The following BCKDHB variants were observed in gnomAD, a reference collection of about 807,000 sequenced individuals.
BCKDHB encodes the protein branched chain keto acid dehydrogenase E1 subunit beta.
BCKDHB carries 41 observed loss-of-function variants against 48.5 expected under a neutral mutation model. That is an observed-to-expected ratio of 0.85 (90% CI 0.66 to 1.10). The LOEUF (loss-of-function observed/expected upper bound fraction) is 1.10, where lower values mean the gene tolerates loss of function less well. Among genes scored for constraint, BCKDHB ranks in the 50% least tolerant of loss-of-function variants. The pLI, the probability that BCKDHB is intolerant of heterozygous loss-of-function variation, is 0.00. For missense variants in BCKDHB, 496 were observed against 494.2 expected, an observed-to-expected ratio of 1.00 and a Z score of -0.03; for synonymous variants, 201 against 174.8, an observed-to-expected ratio of 1.15 and a Z score of -1.18.
intron 9 of BCKDHB, chr6:80,307,825 A>T (rs1028978050): frequency 2.4e-5 from 24 of 984,940 alleles, no homozygotes; most frequent in Non-Finnish European, 2.9e-5. Context: ...ATTCAAATGG[A>T]ATGTGTCTAT....
chr6:80,254,827 A>G (rs1452424002), intron 8 of BCKDHB, among the ~76,000 whole-genome samples: 3 of 152,230 alleles, frequency 2.0e-5, no homozygotes, highest in Admixed American at 1.3e-4. Flanking sequence ...TGATAAGGAA[A>G]CAACTCTGTT....
the BCKDHB span, among the ~76,000 whole-genome samples, chr6:80,423,642 A>G: frequency 1.3e-5 from 2 of 152,310 alleles, no homozygotes; most frequent in Admixed American, 1.3e-4. Context: ...CAATTACTAT[A>G]TAGGTTGATT....
At chr6:80,146,461 A>G (rs1771492947) in intron 3 of BCKDHB, among the ~76,000 whole-genome samples, 1 of 152,324 alleles carries the variant, frequency 6.6e-6, no homozygotes, top group African/African-American at 2.4e-5. Context: ...GAACATAGGC[A>G]TCTACTTTTG....
chr6:80,215,444 C>CT (rs1280920455), intron 8 of BCKDHB, among the ~76,000 whole-genome samples: 5 of 152,206 alleles, frequency 3.3e-5, no homozygotes, highest in African/African-American at 9.6e-5. Context: ...TGGCCACTTC[C>CT]TTTAAGTCCC....
At chr6:80,343,359 T>G (rs1352156439) in intron 9 of BCKDHB, among the ~76,000 whole-genome samples, 1 of 152,248 alleles carries the variant, frequency 6.6e-6, no homozygotes. Flanking sequence ...GAACATTTGT[T>G]GCATTTTTAT....
At chr6:80,429,353 G>A in the BCKDHB span, among the ~76,000 whole-genome samples, 1 of 152,086 alleles carries the variant, frequency 6.6e-6, no homozygotes, top group African/African-American at 2.4e-5. Flanking sequence ...TTGGCTATGC[G>A]AGCTGTTTTT....
At chr6:80,204,325 G>A (rs552164653) in intron 8 of BCKDHB, among the ~76,000 whole-genome samples, 41 of 152,230 alleles carry the variant, frequency 2.7e-4, no homozygotes, top group Middle Eastern at 3.4e-3. Flanking sequence ...CACTTGACAT[G>A]CTTACAAATG....
At chr6:80,317,609 C>G (rs1443060459) in intron 9 of BCKDHB, among the ~76,000 whole-genome samples, 11 of 152,156 alleles carry the variant, frequency 7.2e-5, no homozygotes, top group Non-Finnish European at 1.5e-5. Flanking sequence ...GCTACTATTC[C>G]CATCTCAAGG....
the BCKDHB span, among the ~76,000 whole-genome samples, chr6:80,366,893 G>A: frequency 6.6e-6 from 1 of 152,236 alleles, no homozygotes; most frequent in African/African-American, 2.4e-5. Flanking sequence ...GGCAGAATTA[G>A]GAGGTGAGCC....
chr6:80,162,381 G>T (rs1239706288), intron 3 of BCKDHB, among the ~76,000 whole-genome samples: 2 of 152,042 alleles, frequency 1.3e-5, no homozygotes, highest in Non-Finnish European at 2.9e-5. Flanking sequence ...AGAATGTAAG[G>T]GTTCCTATCA....
intron 3 of BCKDHB, among the ~76,000 whole-genome samples, chr6:80,144,593 C>T (rs1347286596): frequency 6.6e-6 from 1 of 152,116 alleles, no homozygotes; most frequent in Non-Finnish European, 1.5e-5. Context: ...CTCTTAGACA[C>T]TTGTAAGCAG....
the BCKDHB span, among the ~76,000 whole-genome samples, chr6:80,416,320 G>A: frequency 8.6e-5 from 13 of 150,636 alleles, no homozygotes; most frequent in Admixed American, 7.9e-4. Flanking sequence ...TCTCCTGCTA[G>A]CTTTGGGACT....
the BCKDHB span, among the ~76,000 whole-genome samples, chr6:80,394,218 T>A: frequency 6.6e-6 from 1 of 152,180 alleles, no homozygotes; most frequent in African/African-American, 2.4e-5. Context: ...TCTAATTTTC[T>A]TATGTTTTCT....
At chr6:80,414,625 G>A in the BCKDHB span, among the ~76,000 whole-genome samples, 5 of 152,116 alleles carry the variant, frequency 3.3e-5, no homozygotes, top group Admixed American at 6.5e-5. Context: ...CTACATGACT[G>A]CTTTTATACC....
chr6:80,462,193 A>G, the BCKDHB span, among the ~76,000 whole-genome samples: 1 of 152,090 alleles, frequency 6.6e-6, no homozygotes, highest in South Asian at 2.1e-4. Context: ...CTTCTATGAG[A>G]TCTGATGCAT....
At chr6:80,358,228 AGCATCCTCT>A in the BCKDHB span, among the ~76,000 whole-genome samples, 11 of 152,030 alleles carry the variant, frequency 7.2e-5, no homozygotes, top group Non-Finnish European at 1.6e-4. Context: ...TTTTTCTCAC[AGCATCCTCT>A]TATTATTTTA....
chr6:80,121,561 TTGAAGAGG>T (rs1392849963), intron 1 of BCKDHB, among the ~76,000 whole-genome samples: 1 of 152,222 alleles, frequency 6.6e-6, no homozygotes, highest in African/African-American at 2.4e-5. Context: ...GTAGTTCTCC[TTGAAGAGG>T]TCCTTCACAT....
At chr6:80,452,267 AG>A in the BCKDHB span, among the ~76,000 whole-genome samples, 2 of 152,244 alleles carry the variant, frequency 1.3e-5, no homozygotes, top group Admixed American at 1.3e-4. Context: ...ATATTCCAAT[AG>A]GAGGCCCTGC....
chr6:80,116,828 C>T (rs1769729809), intron 1 of BCKDHB, among the ~76,000 whole-genome samples: 2 of 152,174 alleles, frequency 1.3e-5, no homozygotes, highest in Admixed American at 1.3e-4. Context: ...GGTAACTGTG[C>T]TTAATAAATT....
Sources: gnomAD v4.1 joint callset for allele counts (sites outside exome capture counted in the v4.1 genomes callset) on GRCh38, gnomAD v4.1.1 for gene constraint, MANE v1.5 for transcripts, NCBI Gene and HGNC (gene_info 2026-07-23, HGNC 2026-07-21) for gene names.